The following CAMSAP1 variants were observed in gnomAD, a reference collection of about 807,000 sequenced individuals.
CAMSAP1 encodes the protein calmodulin-regulated spectrin-associated protein 1.
In CAMSAP1, 58 loss-of-function variants were observed where a neutral mutation model predicts 143.5. That is an observed-to-expected ratio of 0.40 (90% CI 0.33 to 0.50). The LOEUF is 0.50. CAMSAP1 is among the 20% of genes least tolerant of loss of function. The pLI, the probability that CAMSAP1 is intolerant of heterozygous loss-of-function variation, is 0.45. For missense variants in CAMSAP1, 1,969 were observed against 2,115.7 expected (o/e 0.93, Z 1.36); for synonymous variants, 945 against 859.3 (o/e 1.10, Z -1.74).
At position 135,836,580 on chromosome 9, in the gene CAMSAP1, C is replaced by T. The variant is rs572518241; in HGVS notation, c.1046-8996G>A. 7.7e-4 allele frequency: 752 copies of T among 982,862 alleles called. 1 individual carries two copies. Among genetic ancestry groups the T allele is most frequent in the Admixed American group, 8.7e-4 (14 of 16,046 alleles). The allele number at this position is 982,862 out of a possible 1,614,324, so 60.9% of individuals were successfully genotyped here. A position where few individuals can be genotyped will look rare whatever the true frequency, so the allele number is the denominator to read the frequency against. On this transcript the variant is annotated intron_variant, in intron 7 of 16. Transcript: ENST00000389532. ...TTCTACAGACACACATCACCACACACTTTCTACCCATTCTGCAGCCACACA... is the reference window on the plus strand; with the variant it reads ...TTCTACAGACACACATCACCACACATTTTCTACCCATTCTGCAGCCACACA...
chr9:135,818,187 G>A lies in CAMSAP1; in HGVS notation c.4169-108C>T, dbSNP rs549949133. 7.2e-6 allele frequency: 9 copies of A among 1,252,142 alleles called. No individual in the cohort carries two copies. The East Asian group carries it at 2.3e-4, about 32-fold the overall frequency. 77.6% of individuals were successfully genotyped at this position (1,252,142 alleles called of 1,614,324 possible). ...TCGCCCTGCAGAGCTCGGCCACACA[G>A]GCCGCGTCCCCACCCCATCCCGGGG... On this transcript the variant is annotated intron_variant, in intron 13 of 16. Transcript: ENST00000389532. The surrounding 1 kb of genome is among the most constrained non-coding windows in gnomAD (Gnocchi z 7.7).
chr9:135,813,702 C>A (rs11103196), intron 16 of CAMSAP1, among the ~76,000 whole-genome samples: 1,529 of 152,312 alleles, frequency 0.01, 19 homozygotes, highest in Non-Finnish European at 0.015. Flanking sequence ...AGAGCTCGCT[C>A]CCAGTCACTC....
intron 1 of CAMSAP1, among the ~76,000 whole-genome samples, chr9:135,892,906 C>T (rs1411093627): frequency 2.9e-5 from 4 of 139,936 alleles, no homozygotes; most frequent in African/African-American, 1.1e-4. Flanking sequence ...CAGTGGCTCA[C>T]ATCTATAATC....
At chr9:135,902,322 T>C (rs1402182198) in intron 1 of CAMSAP1, among the ~76,000 whole-genome samples, 1 of 152,252 alleles carries the variant, frequency 6.6e-6, no homozygotes. Flanking sequence ...AATGTGGCAA[T>C]GTGCTTACAA....
At chr9:135,815,794 C>CT in intron 15 of CAMSAP1, 96 bp downstream of exon 15, 1 of 1,028,822 alleles carries the variant, frequency 9.7e-7, no homozygotes, top group Non-Finnish European at 1.4e-6. Context: ...TAGAAAAATA[C>CT]TTTTTAGACC....
chr9:135,839,795 C>T (rs1420154362), intron 7 of CAMSAP1, among the ~76,000 whole-genome samples: 1 of 151,950 alleles, frequency 6.6e-6, no homozygotes, highest in Non-Finnish European at 1.5e-5. Flanking sequence ...GCCAGGGCAC[C>T]AGCAGCCCAC....
rs1295054024 is a variant in CAMSAP1 at position 135,882,788 on chromosome 9, C to CA, written c.423+27_423+28insT. 6.5e-7 allele frequency: 1 copy of CA among 1,539,612 alleles called. No individual in the cohort carries two copies. Among genetic ancestry groups the CA allele is most frequent in the Non-Finnish European group, 8.8e-7 (1 of 1,141,780 alleles). ...AGCCCACGGCTCCAGAGGATGGCCCCTGGGGGCGGCCACCGCAGACCACTC... is the reference window on the plus strand; with the variant it reads ...AGCCCACGGCTCCAGAGGATGGCCCCATGGGGGCGGCCACCGCAGACCACTC... On this transcript the variant is annotated intron_variant, in intron 2 of 16. Transcript: ENST00000389532. This position sits in a 1 kb window ranked among gnomAD's most constrained non-coding sequence, Gnocchi z 4.9.
Position 135,850,169 on chromosome 9 carries a change from A to G in CAMSAP1, c.1013T>C (p.Val338Ala). 5.0e-6 allele frequency: 8 copies of G among 1,612,162 alleles called. No individual in the cohort carries two copies. Among genetic ancestry groups the G allele is most frequent in the Non-Finnish European group, 5.1e-6 (6 of 1,179,182 alleles). Residue 338 changes from valine (V) to alanine (A), a missense_variant, in exon 7 of 17, where the codon GTT (valine) becomes GCT (alanine). Around this residue, in one of 4 missense-constraint regions of CAMSAP1, gnomAD observed 221 missense variants for 298.2 expected, o/e 0.74. Transcript: ENST00000389532. ...WWFENVKPDF[V>A]QPRDVQELKD... ...CAGCTCCTGAACATCCCTGGGCTGA[A>G]CAAAATCTGGCTTGACATTCTCGAA...
In CAMSAP1 at chr9:135,883,157, G is replaced by A. The variant is rs972545636; in HGVS notation, c.161-79C>T. The A allele has an allele frequency of 1.8e-5, 27 of 1,464,960 alleles. No homozygotes were observed. In the African/African-American group the frequency reaches 3.1e-4, roughly 17 times the overall value. The allele number at this position is 1,464,960 out of a possible 1,614,324, so 90.7% of individuals were successfully genotyped here. On this transcript the variant is annotated intron_variant, in intron 1 of 16. Coordinates refer to ENST00000389532, the MANE Select transcript of CAMSAP1 (RefSeq NM_015447.4). ...GGAGTTCAAGGCTGCAGTGAACTAT[G>A]ACTGTGCCACTGTACTCCAGCCTGG...
In CAMSAP1 at chr9:135,818,122, G is replaced by C; in HGVS notation, c.4169-43C>G. 6.3e-7 allele frequency: 1 copy of C among 1,585,020 alleles called. No individual in the cohort carries two copies. Among genetic ancestry groups the C allele is most frequent in the Non-Finnish European group, 8.6e-7 (1 of 1,156,536 alleles). ...AGACGACGGTTCATGAACGGATTCC[G>C]ACAGACAAGTACCTGTCCCCTGTAC... On this transcript the variant is annotated intron_variant, in intron 13 of 16. Transcript: ENST00000389532. This position sits in a 1 kb window ranked among gnomAD's most constrained non-coding sequence, Gnocchi z 7.7.
intron 3 of CAMSAP1, among the ~76,000 whole-genome samples, chr9:135,878,749 T>C (rs1837834741): frequency 6.6e-6 from 1 of 152,110 alleles, no homozygotes; most frequent in Admixed American, 6.5e-5. Context: ...GCATTCACAC[T>C]GCAAAAGGTG....
At chr9:135,879,628 G>A (rs1225816135) in intron 3 of CAMSAP1, among the ~76,000 whole-genome samples, 2 of 151,682 alleles carry the variant, frequency 1.3e-5, no homozygotes, top group African/African-American at 4.8e-5. Flanking sequence ...CAAACTAATA[G>A]AAAGGAAAAT....
At chr9:135,837,763 A>ATG (rs1836139114) in intron 7 of CAMSAP1, among the ~76,000 whole-genome samples, 1 of 135,560 alleles carries the variant, frequency 7.4e-6, no homozygotes. Flanking sequence ...ACAGATACAC[A>ATG]TCATCACGCA....
intron 1 of CAMSAP1, among the ~76,000 whole-genome samples, chr9:135,900,065 AC>A (rs1419607614): frequency 6.6e-6 from 1 of 152,142 alleles, no homozygotes; most frequent in Non-Finnish European, 1.5e-5. Context: ...TTGCTCTGTT[AC>A]CCAAGCCGAA....
chr9:135,873,595 T>C (rs1837637152), intron 3 of CAMSAP1, among the ~76,000 whole-genome samples: 1 of 151,980 alleles, frequency 6.6e-6, no homozygotes, highest in Non-Finnish European at 1.5e-5. Flanking sequence ...AACAGGACAC[T>C]GTCACTACAG....
At position 135,821,117 on chromosome 9, in the gene CAMSAP1, G is replaced by C. The variant is rs1835436964; in HGVS notation, c.3544C>G (p.Leu1182Val). 1 of 1,613,530 alleles carries C rather than the reference G, an allele frequency of 6.2e-7. No homozygotes were observed. The highest frequency in any genetic ancestry group is 1.3e-5 in the African/African-American group (1 of 74,946). Residue 1182 changes from leucine (L) to valine (V), a missense_variant, in exon 11 of 17, where the codon CTG (leucine) becomes GTG (valine). Physicochemically the swap from Leu to Val is conservative, Grantham distance 32 (BLOSUM62 1). Transcript: ENST00000389532. This position sits in a 1 kb window ranked among gnomAD's most constrained non-coding sequence, Gnocchi z 4.6. Reference sequence around the variant, plus strand: ...ATGTTGGCATCTTTGGAAGAGGACAGAGTAAGTGTCCGCTGATTGCTTTCA... The same window carrying C: ...ATGTTGGCATCTTTGGAAGAGGACACAGTAAGTGTCCGCTGATTGCTTTCA... Reference protein sequence around the residue: ...HDESNQRTLTLSSSKDANILS... With the variant: ...HDESNQRTLTVSSSKDANILS...
intron 3 of CAMSAP1, 95 bp from the exon 4 acceptor site, chr9:135,866,631 T>G: frequency 1.5e-6 from 1 of 680,886 alleles, no homozygotes; most frequent in Non-Finnish European, 2.7e-6. Context: ...TTCACCTGAT[T>G]CACCTCTGAC....
In CAMSAP1 at chr9:135,882,829, G is replaced by T; in HGVS notation, c.410C>A (p.Ala137Glu). 6.4e-7 allele frequency: 1 copy of T among 1,550,686 alleles called. No homozygotes were observed. Among genetic ancestry groups the T allele is most frequent in the Non-Finnish European group, 8.7e-7 (1 of 1,146,904 alleles). The change falls in exon 2 of 17, where the codon GCA (alanine) becomes GAA (glutamate). Residue 137 changes from alanine (A) to glutamate (E), a missense_variant. Coordinates refer to ENST00000389532, the MANE Select transcript of CAMSAP1 (RefSeq NM_015447.4). This position sits in a 1 kb window ranked among gnomAD's most constrained non-coding sequence, Gnocchi z 4.9. ...TPVTESDLSR[A>E]PIKMSAHMAM... ...CAGACCACTCACCATTTTTATGGGT[G>T]CGCGACTGAGGTCGGACTCTGTCAC... is the stretch of plus-strand genomic sequence containing the variant.
At position 135,882,884 on chromosome 9, in the gene CAMSAP1, T is replaced by C. The variant is rs1475728965; in HGVS notation, c.355A>G (p.Ile119Val). Reference sequence around the variant, plus strand: ...GTGTCATCACTCTCCATCACATAGATCCCTTTCCGGGACAGGGCCTGGATG... The same window carrying C: ...GTGTCATCACTCTCCATCACATAGACCCCTTTCCGGGACAGGGCCTGGATG... ...SVIQALSRKG[I>V]YVMESDDTPV... is the part of the protein sequence containing the mutation. The change falls in exon 2 of 17, where the codon ATC (isoleucine) becomes GTC (valine). Residue 119 changes from isoleucine to valine, a missense_variant. By Grantham distance (29) the Ile-to-Val change is conservative. Coordinates refer to ENST00000389532, the MANE Select transcript of CAMSAP1 (RefSeq NM_015447.4). This position sits in a 1 kb window ranked among gnomAD's most constrained non-coding sequence, Gnocchi z 4.9. The C allele has an allele frequency of 6.4e-7, 1 of 1,551,524 alleles. No homozygotes were observed. The highest frequency in any genetic ancestry group is 1.4e-5 in the African/African-American group (1 of 73,108).
Sources: allele counts gnomAD v4.1 joint callset (sites outside exome capture counted in the v4.1 genomes callset), GRCh38; gene constraint gnomAD v4.1.1; regional missense constraint gnomAD v4.1.1; non-coding constraint Gnocchi (gnomAD v3.1); transcripts MANE v1.5; gene names NCBI Gene and HGNC (gene_info 2026-07-23, HGNC 2026-07-21).